ATAD3A: variants seen among roughly 807,000 people sequenced by gnomAD.
The protein encoded by ATAD3A is ATPase family AAA domain containing 3A.
Under a neutral mutation model 73.8 loss-of-function variants are expected in ATAD3A, and 46 were observed. The ratio of observed to expected loss-of-function variants is 0.62; its 90% CI spans 0.49 to 0.80. ATAD3A has a LOEUF of 0.80. Ranked by LOEUF, ATAD3A falls within the 30% of genes least tolerant of loss-of-function variation. The probability of loss-of-function intolerance (pLI) is 0.00; values close to 1 mark genes in which losing one functional copy is unlikely to be tolerated. For missense variants in ATAD3A, 705 were observed against 838.0 expected, an observed-to-expected ratio of 0.84 and a Z score of 1.96; for synonymous variants, 319 against 350.0, an observed-to-expected ratio of 0.91 and a Z score of 0.99.
rs113640550 is a variant in ATAD3A at position 1,523,943 on chromosome 1, C to T, written c.1068C>T (p.Thr356=). 2,327 of 1,613,938 alleles carry T rather than the reference C, an allele frequency of 1.4e-3. 30 individuals carry two copies. The African/African-American group carries it at 0.026, about 18-fold the overall frequency. ...TCCTGATGTACGGGCCACCAGGCAC[C>T]GGGAAGACGCTGTTTGCCAAGGTGA... ...RNILMYGPPG[T]GKTLFAKKLA... The change falls in exon 10 of 16, where the codon ACC becomes ACT. Residue 356 remains threonine (T), a synonymous_variant. Coordinates refer to ENST00000378756, the MANE Select transcript of ATAD3A (RefSeq NM_001170535.3). The surrounding 1 kb of genome is among the most constrained non-coding windows in gnomAD (Gnocchi z 5.1).
intron 15 of ATAD3A, among the ~76,000 whole-genome samples, chr1:1,532,220 C>T (rs558528988): frequency 5.9e-5 from 9 of 152,176 alleles, no homozygotes; most frequent in Non-Finnish European, 8.8e-5. Context: ...ACTTTTCCAA[C>T]GATGCTTATC....
Position 1,523,431 on chromosome 1 carries a change from C to T in ATAD3A, c.907-80C>T, listed in dbSNP as rs546556619. The T allele has an allele frequency of 2.9e-5, 45 of 1,556,426 alleles. No homozygotes were observed. Among genetic ancestry groups the T allele is most frequent in the Middle Eastern group, 2.1e-4 (1 of 4,740 alleles). ...GGGCAGCTCCGTTTCTGCGTGTTAC[C>T]GAGCGTGTGTGTGCGCGTTGGTGGC... is the stretch of plus-strand genomic sequence containing the variant. On this transcript the variant is annotated intron_variant, in intron 8 of 15. Transcript: ENST00000378756. The surrounding 1 kb of genome is among the most constrained non-coding windows in gnomAD (Gnocchi z 5.1).
intron 5 of ATAD3A, among the ~76,000 whole-genome samples, 169 bp downstream of exon 5, chr1:1,519,159 G>A (rs1284756774): frequency 6.6e-6 from 1 of 151,714 alleles, no homozygotes; most frequent in Non-Finnish European, 1.5e-5. Flanking sequence ...AGACACCTCT[G>A]TCTGCGAGTG....
intron 15 of ATAD3A, among the ~76,000 whole-genome samples, chr1:1,533,152 G>A (rs6680501): frequency 0.11 from 17,120 of 152,148 alleles, 2,249 homozygotes; most frequent in East Asian, 0.3. Context: ...CAGCTGGGAC[G>A]GGGCGAGGGA....
chr1:1,518,554 G>A (rs1641458860), intron 4 of ATAD3A, among the ~76,000 whole-genome samples: 2 of 91,314 alleles, frequency 2.2e-5, no homozygotes, highest in Non-Finnish European at 4.0e-5. Flanking sequence ...GGGCACACAC[G>A]CCTTCCCGTC....
At chr1:1,522,338 G>C (rs1641628249) in intron 7 of ATAD3A, among the ~76,000 whole-genome samples, 1 of 152,194 alleles carries the variant, frequency 6.6e-6, no homozygotes, top group Non-Finnish European at 1.5e-5. Flanking sequence ...ACTGTGCCCA[G>C]CCAGCCTAAT....
intron 1 of ATAD3A, among the ~76,000 whole-genome samples, chr1:1,514,850 G>A (rs1392636686): frequency 1.3e-5 from 2 of 152,156 alleles, no homozygotes; most frequent in Non-Finnish European, 2.9e-5. Flanking sequence ...TACTTTACGT[G>A]TCTTTCTGTG....
intron 2 of ATAD3A, chr1:1,516,928 T>C: frequency 1.6e-6 from 1 of 622,630 alleles, no homozygotes; most frequent in South Asian, 2.1e-5. Flanking sequence ...TTCAGGCTGG[T>C]CTCGAACTAC....
chr1:1,527,293 G>C, intron 13 of ATAD3A: 2 of 1,204,694 alleles, frequency 1.7e-6, no homozygotes, highest in Non-Finnish European at 2.2e-6. Flanking sequence ...CCTTCCCAGA[G>C]AGGCAAGGCT....
At chr1:1,531,045 C>G (rs1218211996) in intron 15 of ATAD3A, among the ~76,000 whole-genome samples, 1 of 152,118 alleles carries the variant, frequency 6.6e-6, no homozygotes, top group Admixed American at 6.5e-5. Flanking sequence ...GTAGTCCCAG[C>G]TACTCAGGAG....
intron 15 of ATAD3A, among the ~76,000 whole-genome samples, chr1:1,533,503 G>A (rs921667784): frequency 2.0e-5 from 3 of 152,166 alleles, no homozygotes; most frequent in South Asian, 2.1e-4. Context: ...CCTCAAGGTG[G>A]GCAGTGGCTG....
chr1:1,526,192 T>C (rs1215322007), intron 12 of ATAD3A, among the ~76,000 whole-genome samples: 1 of 152,082 alleles, frequency 6.6e-6, no homozygotes, highest in East Asian at 1.9e-4. Flanking sequence ...GGCTAATTTT[T>C]GTATTTTTAG....
Position 1,518,442 on chromosome 1 carries a change from GGC to G in ATAD3A, c.445-473_445-472del, listed in dbSNP as rs200033129. ...GGACACACACACACCCACACACATGGGCGCGCGTACACCCCCCTATACACATG... is the reference window on the plus strand; with the variant it reads ...GGACACACACACACCCACACACATGGGCGCGTACACCCCCCTATACACATG... On this transcript the variant is annotated intron_variant, in intron 4 of 15. Coordinates refer to ENST00000378756, the MANE Select transcript of ATAD3A (RefSeq NM_001170535.3). Among the ~76,000 whole-genome samples, 469 of 119,814 alleles carry G rather than the reference GGC, an allele frequency of 3.9e-3. 1 individual carries two copies. Among genetic ancestry groups the G allele is most frequent in the African/African-American group, 0.014 (423 of 30,292 alleles). The allele number at this position is 119,814 out of a possible 152,430, so 78.6% of individuals were successfully genotyped here.
At chr1:1,529,478 G>A (rs1474283825) in intron 15 of ATAD3A, 147 bp downstream of exon 15, 1 of 1,448,624 alleles carries the variant, frequency 6.9e-7, no homozygotes, top group African/African-American at 1.4e-5. Flanking sequence ...AGGGCCCCCT[G>A]CCCCAGTCAG....
intron 7 of ATAD3A, among the ~76,000 whole-genome samples, chr1:1,521,321 A>AG (rs1557465314): frequency 6.7e-6 from 1 of 149,294 alleles, no homozygotes; most frequent in Non-Finnish European, 1.5e-5. Context: ...AAAAAAAAAA[A>AG]AAAAAAAACC....
Position 1,525,704 on chromosome 1 carries a change from A to G in ATAD3A, c.1266+413A>G, listed in dbSNP as rs201733040. Among the ~76,000 whole-genome samples, 659 of 151,676 alleles carry G rather than the reference A, an allele frequency of 4.3e-3. 2 individuals are homozygous for G. The highest frequency in any genetic ancestry group is 6.4e-3 in the East Asian group (33 of 5,138). On this transcript the variant is annotated intron_variant, in intron 12 of 15. Transcript: ENST00000378756. ...GCTGGGATTACAGGCGTGAGCCACC[A>G]CGCCCAGCCTTTTAATTATCATTCT...
Position 1,520,804 on chromosome 1 carries a change from A to G in ATAD3A, c.750+187A>G, listed in dbSNP as rs1317875168. ...TTCTCAAGCTGGGAGAAGAAAACGC[A>G]GTTGCCAGCCTGGGCCACACAGTGA... On this transcript the variant is annotated intron_variant, in intron 7 of 15. Transcript: ENST00000378756. The surrounding 1 kb of genome is among the most constrained non-coding windows in gnomAD (Gnocchi z 4.0). 3.9e-5 allele frequency among the ~76,000 whole-genome samples: 6 copies of G among 152,162 alleles called. No individual in the cohort carries two copies. Among genetic ancestry groups the G allele is most frequent in the African/African-American group, 1.2e-4 (5 of 41,450 alleles).
chr1:1,519,668 T>C (rs1427923350), intron 5 of ATAD3A, among the ~76,000 whole-genome samples: 1 of 127,076 alleles, frequency 7.9e-6, no homozygotes, highest in African/African-American at 3.0e-5. Flanking sequence ...GTGTGTGCGT[T>C]TAATGTTCAG....
At position 1,527,958 on chromosome 1, in the gene ATAD3A, C is replaced by T. The variant is rs1249426364; in HGVS notation, c.1505+96C>T. 10,163 of 980,780 alleles carry T rather than the reference C, an allele frequency of 0.01. 390 individuals are homozygous for T. In the African/African-American group the frequency reaches 0.12, roughly 12 times the overall value. The allele number at this position is 980,780 out of a possible 1,614,324, so 60.8% of individuals were successfully genotyped here. A position where few individuals can be genotyped will look rare whatever the true frequency, so the allele number is the denominator to read the frequency against. ...CATCACTTACAAACCTTTAACATTC[C>T]TTTTTTTTTTTTTTTTTTGAGACAA... On this transcript the variant is annotated intron_variant, in intron 14 of 15. Coordinates refer to ENST00000378756, the MANE Select transcript of ATAD3A (RefSeq NM_001170535.3).
Sources: allele counts gnomAD v4.1 joint callset (sites outside exome capture counted in the v4.1 genomes callset), GRCh38; gene constraint gnomAD v4.1.1; non-coding constraint Gnocchi (gnomAD v3.1); transcripts MANE v1.5; gene names NCBI Gene and HGNC (gene_info 2026-07-23, HGNC 2026-07-21).